The following MUC13 variants were observed in gnomAD, a reference collection of about 807,000 sequenced individuals.
The protein encoded by MUC13 is mucin 13, cell surface associated, also known as mucin-13.
MUC13 carries 32 observed loss-of-function variants against 48.3 expected under a neutral mutation model. That is an observed-to-expected ratio of 0.66 (90% CI 0.50 to 0.89). The LOEUF is 0.89. Among genes scored for constraint, MUC13 ranks in the 40% least tolerant of loss-of-function variants. The pLI is 0.00. For missense variants in MUC13, 571 were observed against 622.8 expected, an observed-to-expected ratio of 0.92 and a Z score of 0.88; for synonymous variants, 199 against 224.9, an observed-to-expected ratio of 0.88 and a Z score of 1.03.
chr3:124,911,013 G>T (rs1935411859), intron 9 of MUC13, among the ~76,000 whole-genome samples: 3 of 152,114 alleles, frequency 2.0e-5, no homozygotes, highest in South Asian at 2.1e-4. Flanking sequence ...ACACTTGACT[G>T]CGGCTATGAG....
intron 10 of MUC13, among the ~76,000 whole-genome samples, chr3:124,910,124 G>C (rs1935392585): frequency 6.6e-6 from 1 of 152,010 alleles, no homozygotes; most frequent in Admixed American, 6.5e-5. Context: ...TTAAGGTAAG[G>C]AAAAAAAGTC....
At chr3:124,931,220 C>T (rs113768615) in intron 1 of MUC13, among the ~76,000 whole-genome samples, 5 of 148,616 alleles carry the variant, frequency 3.4e-5, no homozygotes, top group African/African-American at 1.2e-4. Flanking sequence ...ATCATGAGAT[C>T]AAGAGATTGT....
intron 1 of MUC13, among the ~76,000 whole-genome samples, chr3:124,930,370 T>C (rs1250116945): frequency 6.6e-6 from 1 of 152,098 alleles, no homozygotes; most frequent in African/African-American, 2.4e-5. Context: ...TAAACTAAAA[T>C]ACACTTGTGT....
chr3:124,925,910 C>T (rs12495711), intron 2 of MUC13, among the ~76,000 whole-genome samples: 34,079 of 152,054 alleles, frequency 0.22, 3,925 homozygotes, highest in South Asian at 0.3. Flanking sequence ...CCACCATGCT[C>T]GGCTTCCATT....
intron 10 of MUC13, among the ~76,000 whole-genome samples, chr3:124,908,819 A>G (rs571333998): frequency 1.1e-4 from 16 of 152,352 alleles, no homozygotes; most frequent in African/African-American, 3.6e-4. Flanking sequence ...TCAACATCTA[A>G]GAATCACGTT....
intron 2 of MUC13, 94 bp from the exon 3 acceptor site, chr3:124,923,743 G>T: frequency 7.8e-7 from 1 of 1,285,964 alleles, no homozygotes; most frequent in East Asian, 2.4e-5. Flanking sequence ...TCCCCCCTGG[G>T]CCCTTTCCAT....
intron 5 of MUC13, among the ~76,000 whole-genome samples, chr3:124,917,453 C>T (rs1250626390): frequency 6.6e-6 from 1 of 151,220 alleles, no homozygotes; most frequent in East Asian, 2.0e-4. Flanking sequence ...CTCAGCTTAT[C>T]CTGCCGCCTC....
chr3:124,909,060 G>T (rs1347106050), intron 10 of MUC13, among the ~76,000 whole-genome samples: 2 of 151,932 alleles, frequency 1.3e-5, no homozygotes, highest in Non-Finnish European at 2.9e-5. Flanking sequence ...AGGCCGAGGC[G>T]GGAGAATCGC....
At chr3:124,908,391 G>T (rs1246008108) in intron 10 of MUC13, 43 bp from the exon 11 acceptor site, 1 of 1,433,952 alleles carries the variant, frequency 7.0e-7, no homozygotes, top group African/African-American at 1.4e-5. Context: ...ATGGCAGAAA[G>T]TTTCTTGAAG....
Position 124,927,394 on chromosome 3 carries a change from T to G in MUC13, c.514+138A>C, listed in dbSNP as rs144765386. ...CTGTCACTACATTGTGACACAGATT[T>G]CAAGCCCACAGTTCATTTCCAAAGA... On this transcript the variant is annotated intron_variant, in intron 2 of 11. Coordinates refer to ENST00000616727, the MANE Select transcript of MUC13 (RefSeq NM_033049.4). The G allele has an allele frequency of 1.6e-4, 124 of 757,922 alleles. No individual in the cohort carries two copies. The African/African-American group carries it at 1.8e-3, about 11-fold the overall frequency. 46.9% of individuals were successfully genotyped at this position (757,922 alleles called of 1,614,324 possible).
intron 1 of MUC13, among the ~76,000 whole-genome samples, chr3:124,931,144 A>T (rs1367508843): frequency 6.6e-6 from 1 of 152,116 alleles, no homozygotes; most frequent in Non-Finnish European, 1.5e-5. Flanking sequence ...CTTTTTAAAA[A>T]TTTTCAGGCC....
At chr3:124,911,731 C>T (rs1176689915) in intron 9 of MUC13, among the ~76,000 whole-genome samples, 5 of 152,134 alleles carry the variant, frequency 3.3e-5, no homozygotes, top group Non-Finnish European at 7.3e-5. Context: ...TAGGTCTGCT[C>T]TTCTATAACC....
At chr3:124,927,448 C>T (rs1467051170) in intron 2 of MUC13, 84 bp downstream of exon 2, 1 of 1,348,828 alleles carries the variant, frequency 7.4e-7, no homozygotes, top group East Asian at 2.3e-5. Context: ...ACCCATTTTC[C>T]TACCCCACCA....
At chr3:124,920,121 T>C in intron 5 of MUC13, 113 bp downstream of exon 5, 2 of 900,568 alleles carry the variant, frequency 2.2e-6, no homozygotes, top group Non-Finnish European at 3.6e-6. Context: ...GACCCTCTCC[T>C]CTTAACTTGT....
intron 4 of MUC13, among the ~76,000 whole-genome samples, chr3:124,921,877 A>G (rs1196999861): frequency 6.6e-6 from 1 of 152,262 alleles, no homozygotes; most frequent in Non-Finnish European, 1.5e-5. Context: ...TTAATAGCTT[A>G]TAAAACAATG....
intron 9 of MUC13, 132 bp from the exon 10 acceptor site, chr3:124,910,631 A>C: frequency 7.1e-7 from 1 of 1,403,638 alleles, no homozygotes; most frequent in Middle Eastern, 2.0e-4. Context: ...CCTCCAGGCC[A>C]GGTTGGGTAG....
intron 6 of MUC13, 55 bp downstream of exon 6, chr3:124,916,262 A>C (rs1935509454): frequency 7.2e-7 from 1 of 1,390,560 alleles, no homozygotes; most frequent in Non-Finnish European, 1.0e-6. Context: ...AAAGGTTTAC[A>C]AAAAAGGTAG....
At chr3:124,928,460 C>T (rs1935734322) in intron 1 of MUC13, among the ~76,000 whole-genome samples, 1 of 151,952 alleles carries the variant, frequency 6.6e-6, no homozygotes, top group South Asian at 2.1e-4. Context: ...TTCACTGCAG[C>T]CTTGAGCTCC....
Position 124,922,307 on chromosome 3 carries a change from A to T in MUC13, c.638-4T>A, listed in dbSNP as rs1165489237. 2 of 1,613,332 alleles carry T rather than the reference A, an allele frequency of 1.2e-6. No homozygotes were observed. Among genetic ancestry groups the T allele is most frequent in the Non-Finnish European group, 1.7e-6 (2 of 1,179,752 alleles). ...ATCTTCCCAGGGAATACCTTTCCTG[A>T]AAGTTAAGCAGAATCTTTCTGTACT... On this transcript the variant is annotated splice_region_variant and splice_polypyrimidine_tract_variant and intron_variant, in intron 3 of 11. Transcript: ENST00000616727.
Sources: gnomAD v4.1 joint callset for allele counts (sites outside exome capture counted in the v4.1 genomes callset) on GRCh38, gnomAD v4.1.1 for gene constraint, MANE v1.5 for transcripts, NCBI Gene and HGNC (gene_info 2026-07-23, HGNC 2026-07-21) for gene names.